NAV1: variants seen among roughly 807,000 people sequenced by gnomAD.
The protein encoded by NAV1 is neuron navigator 1.
NAV1 carries 18 observed loss-of-function variants against 175.2 expected under a neutral mutation model. The observed-to-expected ratio is 0.10, with a 90% CI of 0.07 to 0.15. The LOEUF (loss-of-function observed/expected upper bound fraction) is 0.15. Ranked by LOEUF, NAV1 falls within the 10% of genes least tolerant of loss-of-function variation. NAV1 has a pLI of 1.00. For synonymous variants in NAV1, 897 were observed against 978.7 expected (o/e 0.92, Z 1.56); for missense variants, 1,731 against 2,436.6 (o/e 0.71, Z 6.10).
At chr1:201,671,556 C>T (rs1028541469) in intron 1 of NAV1, among the ~76,000 whole-genome samples, 2 of 152,196 alleles carry the variant, frequency 1.3e-5, no homozygotes. Flanking sequence ...GCTCATCTCT[C>T]CTAAATAGAG....
chr1:201,621,423 T>G (rs1052263027), upstream of NAV1, among the ~76,000 whole-genome samples: 9 of 140,484 alleles, frequency 6.4e-5, no homozygotes, highest in Admixed American at 5.1e-4. Context: ...AACCTCCACC[T>G]CCCAGGTTCA....
intron 1 of NAV1, among the ~76,000 whole-genome samples, chr1:201,678,349 A>G (rs1272968229): frequency 6.6e-6 from 1 of 152,172 alleles, no homozygotes; most frequent in East Asian, 1.9e-4. Context: ...GTGTGTTTCA[A>G]GTGCTTATTG....
In NAV1 at chr1:201,808,806, C is replaced by T. The variant is rs1227573060; in HGVS notation, c.4142C>T (p.Ser1381Phe). ...CAGGTCCCTGGATCATCTGCATTAT[C>T]TTCCCCACGCCGCTCCCTAGGCCTG... The change falls in exon 20 of 30, where the codon TCT becomes TTT. Residue 1381 changes from serine (S) to phenylalanine (F), a missense_variant. This residue lies in a region of NAV1 where 122 missense variants were observed against 139.4 expected (regional missense o/e 0.88). Coordinates refer to ENST00000367296, the Ensembl canonical transcript of NAV1. The surrounding 1 kb of genome is among the most constrained non-coding windows in gnomAD (Gnocchi z 5.5). The T allele has an allele frequency of 6.2e-7, 1 of 1,613,988 alleles. No homozygotes were observed. Among genetic ancestry groups the T allele is most frequent in the African/African-American group, 1.3e-5 (1 of 74,936 alleles).
intron 1 of NAV1, among the ~76,000 whole-genome samples, chr1:201,656,032 G>A (rs537850067): frequency 1.8e-4 from 27 of 152,304 alleles, no homozygotes; most frequent in African/African-American, 6.5e-4. Context: ...CCCCCTAAGA[G>A]CTTTGGCTCC....
At chr1:201,692,228 C>T (rs1034336532) in intron 1 of NAV1, among the ~76,000 whole-genome samples, 6 of 152,132 alleles carry the variant, frequency 3.9e-5, no homozygotes, top group Non-Finnish European at 7.3e-5. Flanking sequence ...TACATTACAA[C>T]GTGGTGAATG....
intron 1 of NAV1, among the ~76,000 whole-genome samples, chr1:201,662,501 G>A (rs1669652997): frequency 6.6e-6 from 1 of 152,230 alleles, no homozygotes; most frequent in Admixed American, 6.5e-5. Flanking sequence ...GATAGAAGGA[G>A]CACCAGCTTT....
chr1:201,806,622 T>C (rs1448843542), intron 17 of NAV1, among the ~76,000 whole-genome samples: 3 of 152,230 alleles, frequency 2.0e-5, no homozygotes, highest in Non-Finnish European at 4.4e-5. Flanking sequence ...TCCTAAGTCT[T>C]ACGTCAATTA....
Position 201,812,012 on chromosome 1 carries a change from C to A in NAV1, c.5024+38C>A, listed in dbSNP as rs1179859659. 3.8e-6 allele frequency: 6 copies of A among 1,585,122 alleles called. No individual in the cohort carries two copies. The highest frequency in any genetic ancestry group is 3.3e-5 in the Admixed American group (2 of 59,992). ...GCTCTGGATGAACCTTCTGACCCTA[C>A]CCAAGAGTCTTCAATCCTGGACTCT... On this transcript the variant is annotated intron_variant, in intron 26 of 29. Transcript: ENST00000367296. This position sits in a 1 kb window ranked among gnomAD's most constrained non-coding sequence, Gnocchi z 4.6.
At chr1:201,765,247 C>T (rs1309580365) in intron 3 of NAV1, among the ~76,000 whole-genome samples, 1 of 151,948 alleles carries the variant, frequency 6.6e-6, no homozygotes, top group Non-Finnish European at 1.5e-5. Flanking sequence ...CTCTGTCAGT[C>T]ACTATAACTG....
intron 3 of NAV1, among the ~76,000 whole-genome samples, chr1:201,746,152 A>G (rs1673756192): frequency 6.7e-6 from 1 of 150,366 alleles, no homozygotes; most frequent in Non-Finnish European, 1.5e-5. Context: ...ATCTATATAT[A>G]TTTTCCCCAT....
chr1:201,751,808 C>T (rs139750729), intron 3 of NAV1, among the ~76,000 whole-genome samples: 10 of 152,254 alleles, frequency 6.6e-5, no homozygotes, highest in South Asian at 2.1e-4. Flanking sequence ...TGGGGCATGT[C>T]GTGAGTGGCT....
chr1:201,805,989 C>CTTT (rs201639996), intron 17 of NAV1, among the ~76,000 whole-genome samples: 7 of 143,954 alleles, frequency 4.9e-5, no homozygotes, highest in Admixed American at 1.4e-4. Context: ...CTCTCTCTCT[C>CTTT]TTTTTTTTTT....
chr1:201,707,735 C>T (rs1225856530), intron 1 of NAV1, among the ~76,000 whole-genome samples: 1 of 152,214 alleles, frequency 6.6e-6, no homozygotes, highest in African/African-American at 2.4e-5. Context: ...ACTTCTCTTC[C>T]TCTAGCAACG....
At chr1:201,598,431 G>A (rs1375968456) in intron 2 of NAV1, among the ~76,000 whole-genome samples, 2 of 152,176 alleles carry the variant, frequency 1.3e-5, no homozygotes, top group Admixed American at 6.5e-5. Flanking sequence ...ACCACAATTC[G>A]ATCAGGTCTT....
At chr1:201,701,881 A>G (rs1353605536) in intron 1 of NAV1, among the ~76,000 whole-genome samples, 1 of 152,280 alleles carries the variant, frequency 6.6e-6, no homozygotes, top group Non-Finnish European at 1.5e-5. Flanking sequence ...ACTCATAGGC[A>G]TACATTCAAA....
intron 1 of NAV1, among the ~76,000 whole-genome samples, chr1:201,676,905 A>G (rs1670274196): frequency 6.6e-6 from 1 of 152,140 alleles, no homozygotes; most frequent in African/African-American, 2.4e-5. Flanking sequence ...AACCAATGTA[A>G]TTCTACTTCT....
intron 3 of NAV1, among the ~76,000 whole-genome samples, chr1:201,764,390 G>A (rs954826922): frequency 5.3e-5 from 8 of 152,180 alleles, no homozygotes; most frequent in African/African-American, 1.9e-4. Context: ...CCTGGCTGTA[G>A]ACAGCCACCT....
rs74445540 is a variant in NAV1 at position 201,753,726 on chromosome 1, T to C, written c.1227-26695T>C. Among the ~76,000 whole-genome samples the C allele has an allele frequency of 7.0e-3, 1,071 of 152,340 alleles. 16 individuals carry two copies. Among genetic ancestry groups the C allele is most frequent in the African/African-American group, 0.024 (986 of 41,578 alleles). On this transcript the variant is annotated intron_variant, in intron 3 of 29. Coordinates refer to ENST00000367296, the Ensembl canonical transcript of NAV1. ...TCCACAGCACATTCTGCATCCTTCTTGCAATTTTTAAGCTGTGCTAGGCAA... is the reference window on the plus strand; with the variant it reads ...TCCACAGCACATTCTGCATCCTTCTCGCAATTTTTAAGCTGTGCTAGGCAA...
chr1:201,733,102 C>T (rs1404350063), intron 3 of NAV1, among the ~76,000 whole-genome samples: 1 of 150,932 alleles, frequency 6.6e-6, no homozygotes, highest in Non-Finnish European at 1.5e-5. Flanking sequence ...ATGGCAGGGC[C>T]AGGCATGGTG....
Sources: allele counts gnomAD v4.1 joint callset (sites outside exome capture counted in the v4.1 genomes callset), GRCh38; gene constraint gnomAD v4.1.1; regional missense constraint gnomAD v4.1.1; non-coding constraint Gnocchi (gnomAD v3.1); transcripts MANE v1.5; gene names NCBI Gene and HGNC (gene_info 2026-07-23, HGNC 2026-07-21).